FGF10: variants seen among roughly 807,000 people sequenced by gnomAD.
The protein encoded by FGF10 is FGF-10.
In FGF10, 2 loss-of-function variants were observed where a neutral mutation model predicts 19.8. The ratio of observed to expected loss-of-function variants is 0.10; its 90% CI spans 0.04 to 0.32. The LOEUF is 0.32. Ranked by LOEUF, FGF10 falls within the 10% of genes least tolerant of loss-of-function variation. FGF10 has a pLI of 1.00. For synonymous variants in FGF10, 112 were observed against 94.0 expected (o/e 1.19, Z -1.10); for missense variants, 191 against 246.3 (o/e 0.78, Z 1.50).
chr5:44,328,477 G>A (rs1488306923), intron 1 of FGF10, among the ~76,000 whole-genome samples: 1 of 152,060 alleles, frequency 6.6e-6, no homozygotes, highest in Non-Finnish European at 1.5e-5. Context: ...AAGTCTAATG[G>A]TCGGGCATGG....
intron 1 of FGF10, among the ~76,000 whole-genome samples, chr5:44,320,561 A>C (rs1462418486): frequency 6.6e-6 from 1 of 152,200 alleles, no homozygotes; most frequent in Non-Finnish European, 1.5e-5. Context: ...GGTTCACTGC[A>C]ACAGGTGATT....
intron 2 of FGF10, among the ~76,000 whole-genome samples, chr5:44,306,219 A>G (rs1180633396): frequency 6.6e-6 from 1 of 152,074 alleles, no homozygotes; most frequent in African/African-American, 2.4e-5. Flanking sequence ...AACATGGTGA[A>G]ACCCCGTCTA....
rs116262868 is a variant in FGF10, at chr5:44,359,762, A to T, written c.325+28596T>A. On this transcript the variant is annotated intron_variant, in intron 1 of 2. Transcript: ENST00000264664. ...GAATTTTGTTACATGTGTAATGGTC[A>T]AGTGAGGGCTTTGATGGTACCTATC... 8.1e-3 allele frequency among the ~76,000 whole-genome samples: 1,228 copies of T among 151,534 alleles called. 17 individuals carry two copies. Among genetic ancestry groups the T allele is most frequent in the African/African-American group, 0.029 (1,189 of 41,440 alleles).
intron 1 of FGF10, among the ~76,000 whole-genome samples, chr5:44,355,097 G>T (rs555416575): frequency 4.6e-4 from 69 of 151,448 alleles, no homozygotes; most frequent in African/African-American, 1.6e-3. Context: ...TGGTCTAAAA[G>T]CCATAAAAAG....
intron 1 of FGF10, among the ~76,000 whole-genome samples, chr5:44,339,190 TTTAA>T (rs1740916012): frequency 6.6e-6 from 1 of 152,182 alleles, no homozygotes; most frequent in Admixed American, 6.6e-5. Flanking sequence ...TTAAGCTTTA[TTTAA>T]TTATTTTTAT....
intron 1 of FGF10, among the ~76,000 whole-genome samples, chr5:44,375,635 T>C (rs1206423385): frequency 6.6e-6 from 1 of 152,184 alleles, no homozygotes; most frequent in Admixed American, 6.5e-5. Flanking sequence ...TGTGATGGAA[T>C]GTAGTAGTAT....
At chr5:44,314,432 T>G (rs1259969887) in intron 1 of FGF10, among the ~76,000 whole-genome samples, 1 of 152,150 alleles carries the variant, frequency 6.6e-6, no homozygotes, top group Non-Finnish European at 1.5e-5. Context: ...AGATTATATT[T>G]AAAATCTTAA....
chr5:44,376,920 T>C (rs1227510735), intron 1 of FGF10, among the ~76,000 whole-genome samples: 2 of 152,004 alleles, frequency 1.3e-5, no homozygotes, highest in Admixed American at 1.3e-4. Flanking sequence ...TAAATAAAAA[T>C]CATGTCAATG....
intron 1 of FGF10, among the ~76,000 whole-genome samples, chr5:44,340,967 C>T (rs543764729): frequency 6.6e-6 from 1 of 151,874 alleles, no homozygotes. Context: ...ATGAGAACCA[C>T]CCCCAAGTTA....
chr5:44,372,290 T>G (rs1432909308), intron 1 of FGF10, among the ~76,000 whole-genome samples: 1 of 152,130 alleles, frequency 6.6e-6, no homozygotes, highest in Non-Finnish European at 1.5e-5. Flanking sequence ...TGTAGCATCT[T>G]CAAATCTCTG....
chr5:44,319,771 T>A (rs1289107363), intron 1 of FGF10, among the ~76,000 whole-genome samples: 1 of 152,234 alleles, frequency 6.6e-6, no homozygotes, highest in Admixed American at 6.5e-5. Context: ...ACAATTTATC[T>A]ATTTATGTAT....
Position 44,321,509 on chromosome 5 carries a change from T to C in FGF10, c.326-10979A>G, listed in dbSNP as rs1424153032. ...AACTGAATTGGTCATTTTGTGTCAG[T>C]ATATGCATAGACAGAGTAGCTGCCG... On this transcript the variant is annotated intron_variant, in intron 1 of 2. Transcript: ENST00000264664. Among the ~76,000 whole-genome samples, 4 of 152,326 alleles carry C rather than the reference T, an allele frequency of 2.6e-5. No individual in the cohort carries two copies. The East Asian group carries it at 7.7e-4, about 29-fold the overall frequency.
intron 1 of FGF10, among the ~76,000 whole-genome samples, chr5:44,343,112 G>A (rs1741005896): frequency 6.6e-6 from 1 of 151,928 alleles, no homozygotes; most frequent in South Asian, 2.1e-4. Flanking sequence ...CAGGCATTTT[G>A]TTTACAAAAA....
intron 1 of FGF10, among the ~76,000 whole-genome samples, chr5:44,315,440 C>G (rs973051904): frequency 2.6e-5 from 4 of 152,012 alleles, no homozygotes; most frequent in Admixed American, 1.3e-4. Flanking sequence ...CCCACCTCCC[C>G]CAATGGCACT....
intron 1 of FGF10, among the ~76,000 whole-genome samples, chr5:44,358,531 C>T (rs1741401766): frequency 6.6e-6 from 1 of 151,526 alleles, no homozygotes; most frequent in Admixed American, 6.6e-5. Context: ...CAGCTAGCTG[C>T]TTTCTTGCTC....
At position 44,388,780 on chromosome 5, in the gene FGF10, G is replaced by A; in HGVS notation, c.-98C>T. Reference sequence around the variant, plus strand: ...GGCAAGGAGAGAGCTCGAGGTGGTGGCTGCTGGTTAGCTCCCTCTGGGCGC... The same window carrying A: ...GGCAAGGAGAGAGCTCGAGGTGGTGACTGCTGGTTAGCTCCCTCTGGGCGC... On this transcript the variant is annotated 5_prime_UTR_variant, in exon 1 of 3. Coordinates refer to ENST00000264664, the MANE Select transcript of FGF10 (RefSeq NM_004465.2). 1.6e-6 allele frequency: 2 copies of A among 1,287,010 alleles called. No individual in the cohort carries two copies. The highest frequency in any genetic ancestry group is 2.5e-5 in the South Asian group (2 of 80,298). The allele number at this position is 1,287,010 out of a possible 1,614,324, so 79.7% of individuals were successfully genotyped here.
intron 1 of FGF10, among the ~76,000 whole-genome samples, chr5:44,356,649 T>C (rs1241693398): frequency 2.6e-5 from 4 of 151,512 alleles, no homozygotes; most frequent in Non-Finnish European, 5.9e-5. Context: ...CACGCCTTTA[T>C]TCAATATAAG....
rs1249174695 is a variant in FGF10 at position 44,376,116 on chromosome 5, G to T, written c.325+12242C>A. 2.0e-5 allele frequency among the ~76,000 whole-genome samples: 3 copies of T among 151,952 alleles called. No individual in the cohort carries two copies. In the East Asian group the frequency reaches 5.8e-4, roughly 30 times the overall value. The stretch of plus-strand genomic sequence containing the variant: ...ATTGTCAAACTCTTACATGGTGTTA[G>T]GTCCTATATTTAATACAACTTTACA... On this transcript the variant is annotated intron_variant, in intron 1 of 2. Transcript: ENST00000264664.
At chr5:44,366,740 A>G (rs339499) in intron 1 of FGF10, among the ~76,000 whole-genome samples, 149,289 of 152,056 alleles carry the variant, frequency 0.98, 73,358 homozygotes, top group East Asian at 1. Flanking sequence ...AATTCATTGG[A>G]AAAAGCGTTT....
Sources: gnomAD v4.1 joint callset for allele counts (sites outside exome capture counted in the v4.1 genomes callset) on GRCh38, gnomAD v4.1.1 for gene constraint, MANE v1.5 for transcripts, NCBI Gene and HGNC (gene_info 2026-07-23, HGNC 2026-07-21) for gene names.